The following TEAD1 variants were observed in gnomAD, a reference collection of about 807,000 sequenced individuals.
TEAD1 encodes the protein transcriptional enhancer factor TEF-1.
Under a neutral mutation model 54.9 loss-of-function variants are expected in TEAD1, and 9 were observed. That is an observed-to-expected ratio of 0.16 (90% confidence interval 0.10 to 0.29). TEAD1 has a LOEUF of 0.29. TEAD1 is among the 10% of genes least tolerant of loss of function. The pLI, the probability that TEAD1 is intolerant of heterozygous loss-of-function variation, is 1.00. For synonymous variants in TEAD1, 200 were observed against 187.8 expected (o/e 1.07, Z -0.53); for missense variants, 387 against 535.9 (o/e 0.72, Z 2.74).
chr11:12,759,553 A>G (rs1318658785), intron 2 of TEAD1, among the ~76,000 whole-genome samples: 1 of 152,186 alleles, frequency 6.6e-6, no homozygotes, highest in Admixed American at 6.5e-5. Flanking sequence ...GGGGGCTACA[A>G]AGTATACATA....
chr11:12,763,936 C>T (rs1945151087), intron 2 of TEAD1, among the ~76,000 whole-genome samples: 1 of 152,170 alleles, frequency 6.6e-6, no homozygotes, highest in African/African-American at 2.4e-5. Flanking sequence ...GATAATAAAG[C>T]CACTTGGATC....
chr11:12,748,253 C>T lies in TEAD1; in HGVS notation c.-54-15926C>T, dbSNP rs369332872. ...CTGGGATTACAGGCGTGAGCCGCTG[C>T]GCCTGGTCTAATCCCTGCAATTCTT... On this transcript the variant is annotated intron_variant, in intron 2 of 12. Coordinates refer to ENST00000527636, the MANE Select transcript of TEAD1 (RefSeq NM_021961.6). Among the ~76,000 whole-genome samples, 21 of 152,328 alleles carry T rather than the reference C, an allele frequency of 1.4e-4. No individual in the cohort carries two copies. The East Asian group carries it at 1.5e-3, about 11-fold the overall frequency.
intron 12 of TEAD1, among the ~76,000 whole-genome samples, chr11:12,935,883 C>T (rs779768874): frequency 1.3e-4 from 20 of 152,244 alleles, no homozygotes; most frequent in South Asian, 4.1e-4. Context: ...AAATTGTACA[C>T]GCCAGTATGT....
chr11:12,761,557 G>T (rs914641168), intron 2 of TEAD1, among the ~76,000 whole-genome samples: 2 of 152,210 alleles, frequency 1.3e-5, no homozygotes, highest in African/African-American at 4.8e-5. Flanking sequence ...GACAACCTCT[G>T]AGGGGCAGGA....
At chr11:12,926,883 C>T (rs903406334) in intron 11 of TEAD1, among the ~76,000 whole-genome samples, 4 of 152,268 alleles carry the variant, frequency 2.6e-5, no homozygotes, top group Middle Eastern at 3.4e-3. Flanking sequence ...ATGACCTCCT[C>T]GCCTCTAAGA....
intron 9 of TEAD1, among the ~76,000 whole-genome samples, chr11:12,887,035 G>A (rs1948099934): frequency 6.7e-6 from 1 of 149,592 alleles, no homozygotes; most frequent in South Asian, 2.1e-4. Flanking sequence ...TTCTTCAGTT[G>A]AACACAAATG....
intron 3 of TEAD1, among the ~76,000 whole-genome samples, chr11:12,845,254 G>A (rs1237522752): frequency 3.3e-5 from 5 of 151,996 alleles, no homozygotes; most frequent in Admixed American, 1.3e-4. Flanking sequence ...GAGCCACTGT[G>A]CCGGGCCTAG....
At chr11:12,675,166 C>G (rs1390363286) in intron 1 of TEAD1, among the ~76,000 whole-genome samples, 1 of 150,664 alleles carries the variant, frequency 6.6e-6, no homozygotes, top group Non-Finnish European at 1.5e-5. Context: ...CACACGCACA[C>G]ACCCTCGGGC....
intron 2 of TEAD1, among the ~76,000 whole-genome samples, chr11:12,751,723 CA>C (rs35328068): frequency 0.33 from 49,426 of 151,988 alleles, 8,933 homozygotes; most frequent in South Asian, 0.6. Context: ...GTTTCAGAAT[CA>C]TTTTAAGGCA....
chr11:12,868,667 A>T (rs59747473), intron 5 of TEAD1, among the ~76,000 whole-genome samples: 9 of 152,322 alleles, frequency 5.9e-5, no homozygotes, highest in African/African-American at 2.2e-4. Context: ...TAAAGAAAAA[A>T]ATTGTTCTAG....
chr11:12,736,470 T>C (rs897608183), intron 2 of TEAD1, among the ~76,000 whole-genome samples: 1 of 152,212 alleles, frequency 6.6e-6, no homozygotes, highest in Non-Finnish European at 1.5e-5. Context: ...TTCAAAAAAT[T>C]ATTGTAAAGT....
intron 2 of TEAD1, among the ~76,000 whole-genome samples, chr11:12,749,448 T>C (rs1266689775): frequency 1.3e-5 from 2 of 152,194 alleles, no homozygotes; most frequent in East Asian, 1.9e-4. Flanking sequence ...TTTGTGTGTG[T>C]GTGCTGGGGA....
intron 2 of TEAD1, among the ~76,000 whole-genome samples, chr11:12,745,823 G>A (rs1285217268): frequency 6.6e-6 from 1 of 151,954 alleles, no homozygotes; most frequent in Non-Finnish European, 1.5e-5. Context: ...TTCAGGTTGG[G>A]AATCTAAATG....
chr11:12,735,655 C>T (rs933207515), intron 2 of TEAD1, among the ~76,000 whole-genome samples: 9 of 150,902 alleles, frequency 6.0e-5, no homozygotes, highest in African/African-American at 1.5e-4. Context: ...GTATGCTTGA[C>T]ATATGTTAAC....
intron 2 of TEAD1, among the ~76,000 whole-genome samples, 154 bp downstream of exon 2, chr11:12,675,715 C>G (rs897803784): frequency 6.6e-6 from 1 of 152,182 alleles, no homozygotes; most frequent in Non-Finnish European, 1.5e-5. Flanking sequence ...ACTTCTGTGA[C>G]TTTTCTTCTT....
chr11:12,915,437 A>G (rs1263402921), intron 10 of TEAD1, among the ~76,000 whole-genome samples: 1 of 152,172 alleles, frequency 6.6e-6, no homozygotes, highest in Non-Finnish European at 1.5e-5. Flanking sequence ...CAGATCCCAC[A>G]TACTTGGGTG....
At chr11:12,701,774 G>C (rs545499678) in intron 2 of TEAD1, among the ~76,000 whole-genome samples, 1 of 152,282 alleles carries the variant, frequency 6.6e-6, no homozygotes, top group South Asian at 2.1e-4. Flanking sequence ...AAGAGACTTA[G>C]AGCTGGGAGT....
At chr11:12,783,710 A>G (rs187582841) in intron 3 of TEAD1, among the ~76,000 whole-genome samples, 1 of 152,150 alleles carries the variant, frequency 6.6e-6, no homozygotes, top group Non-Finnish European at 1.5e-5. Context: ...TCCCTCAGGG[A>G]TGGACAAAGT....
intron 2 of TEAD1, among the ~76,000 whole-genome samples, chr11:12,732,903 A>G (rs1339227924): frequency 6.6e-6 from 1 of 152,194 alleles, no homozygotes; most frequent in Admixed American, 6.5e-5. Flanking sequence ...TTTTTACATT[A>G]TTGAGCTTGA....
Sources: gnomAD v4.1 joint callset for allele counts (sites outside exome capture counted in the v4.1 genomes callset) on GRCh38, gnomAD v4.1.1 for gene constraint, MANE v1.5 for transcripts, NCBI Gene and HGNC (gene_info 2026-07-23, HGNC 2026-07-21) for gene names.